The following ATF7IP2 variants were observed in gnomAD, a reference collection of about 807,000 sequenced individuals.
ATF7IP2 encodes activating transcription factor 7 interacting protein 2, also known as activating transcription factor 7-interacting protein 2.
A neutral mutation model predicts 64.2 loss-of-function variants in ATF7IP2; 42 were observed. The ratio of observed to expected loss-of-function variants is 0.65; its 90% CI spans 0.51 to 0.85. The LOEUF (loss-of-function observed/expected upper bound fraction) is 0.85, where lower values mean the gene tolerates loss of function less well. ATF7IP2 is among the 40% of genes least tolerant of loss of function. The pLI, the probability that ATF7IP2 is intolerant of heterozygous loss-of-function variation, is 0.00. For missense variants in ATF7IP2, 933 were observed against 784.2 expected, an observed-to-expected ratio of 1.19 and a Z score of -2.27; for synonymous variants, 308 against 272.8, an observed-to-expected ratio of 1.13 and a Z score of -1.27.
chr16:10,467,844 C>T (rs940477536), intron 9 of ATF7IP2, among the ~76,000 whole-genome samples: 7 of 148,846 alleles, frequency 4.7e-5, no homozygotes, highest in Admixed American at 6.7e-5. Context: ...TGAGCCATGG[C>T]GCCCAGCCAA....
chr16:10,445,202 A>G (rs1293519044), intron 8 of ATF7IP2: 3 of 152,194 alleles, frequency 2.0e-5, no homozygotes, highest in Non-Finnish European at 2.9e-5. Flanking sequence ...CAGCTGAGAC[A>G]AGACCTCCTT....
At chr16:10,400,289 C>G (rs2047502178) in intron 1 of ATF7IP2, among the ~76,000 whole-genome samples, 1 of 152,222 alleles carries the variant, frequency 6.6e-6, no homozygotes, top group African/African-American at 2.4e-5. Flanking sequence ...AATTTACCTG[C>G]CTTGGCCTCC....
At chr16:10,427,399 G>GT (rs1189237421) in intron 3 of ATF7IP2, among the ~76,000 whole-genome samples, 1 of 152,308 alleles carries the variant, frequency 6.6e-6, no homozygotes, top group East Asian at 1.9e-4. Context: ...TGGCTCAGTG[G>GT]TAACTCTTAC....
chr16:10,466,325 G>A (rs923432642), intron 9 of ATF7IP2, among the ~76,000 whole-genome samples: 2 of 152,188 alleles, frequency 1.3e-5, no homozygotes, highest in African/African-American at 4.8e-5. Context: ...AAATGGTGCT[G>A]CTGTGAACAT....
intron 2 of ATF7IP2, among the ~76,000 whole-genome samples, 184 bp from the exon 3 acceptor site, chr16:10,419,396 AC>A (rs2047946396): frequency 6.6e-6 from 1 of 152,030 alleles, no homozygotes; most frequent in African/African-American, 2.4e-5. Context: ...ATTAGTGTAT[AC>A]CTCCACTGGG....
intron 1 of ATF7IP2, among the ~76,000 whole-genome samples, chr16:10,392,564 C>T (rs1422880462): frequency 2.0e-5 from 3 of 152,078 alleles, no homozygotes; most frequent in Non-Finnish European, 2.9e-5. Context: ...TAACACCATT[C>T]ACACAGAAAT....
chr16:10,408,434 T>G (rs1251173495), intron 1 of ATF7IP2, among the ~76,000 whole-genome samples: 1 of 152,214 alleles, frequency 6.6e-6, no homozygotes, highest in Non-Finnish European at 1.5e-5. Flanking sequence ...CCATGATGGT[T>G]GTGCTAGTTT....
chr16:10,393,897 C>T (rs1357505851), intron 1 of ATF7IP2, among the ~76,000 whole-genome samples: 2 of 152,112 alleles, frequency 1.3e-5, no homozygotes, highest in African/African-American at 4.8e-5. Context: ...TTAAAATTAG[C>T]TGAGTGTGAT....
intron 1 of ATF7IP2, among the ~76,000 whole-genome samples, chr16:10,398,314 A>T (rs2353910): frequency 0.57 from 85,398 of 151,076 alleles, 24,192 homozygotes; most frequent in East Asian, 0.69. Context: ...AAAAAAAAAA[A>T]AATAATAATA....
intron 8 of ATF7IP2, among the ~76,000 whole-genome samples, chr16:10,443,523 G>A (rs1467613798): frequency 6.6e-6 from 1 of 152,222 alleles, no homozygotes; most frequent in Non-Finnish European, 1.5e-5. Flanking sequence ...TGTTGAGAGT[G>A]CAAACAGAAT....
At chr16:10,399,463 T>C (rs1281317755) in intron 1 of ATF7IP2, among the ~76,000 whole-genome samples, 1 of 152,238 alleles carries the variant, frequency 6.6e-6, no homozygotes, top group Non-Finnish European at 1.5e-5. Flanking sequence ...CTGCAGCATA[T>C]ATTCTTGTCA....
chr16:10,432,698 G>A (rs986337451), intron 5 of ATF7IP2, among the ~76,000 whole-genome samples: 5 of 152,222 alleles, frequency 3.3e-5, no homozygotes, highest in East Asian at 3.9e-4. Flanking sequence ...GCGAAACCCC[G>A]TCTCTACTAA....
Position 10,482,776 on chromosome 16 carries a change from C to G in ATF7IP2, c.*527C>G, listed in dbSNP as rs62027488. On this transcript the variant is annotated 3_prime_UTR_variant, in exon 14 of 14. Coordinates refer to ENST00000562102, the MANE Select transcript of ATF7IP2 (RefSeq NM_001393719.1). ...ATGGAATATTGCTCTGTTGCCCAGGCTGGAGTACAGTGGTCACTGCAACCT... is the reference window on the plus strand; with the variant it reads ...ATGGAATATTGCTCTGTTGCCCAGGGTGGAGTACAGTGGTCACTGCAACCT... 1 of 152,284 alleles carries G rather than the reference C, an allele frequency of 6.6e-6. No homozygotes were observed. Among genetic ancestry groups the G allele is most frequent in the African/African-American group, 2.4e-5 (1 of 41,402 alleles). 9.4% of individuals were successfully genotyped at this position (152,284 alleles called of 1,614,324 possible).
intron 1 of ATF7IP2, among the ~76,000 whole-genome samples, chr16:10,407,676 A>G (rs1241081287): frequency 6.6e-6 from 1 of 152,206 alleles, no homozygotes; most frequent in African/African-American, 2.4e-5. Flanking sequence ...TTATTCAGGA[A>G]CAGGTGTTAC....
At chr16:10,389,146 G>T (rs561461887) in intron 1 of ATF7IP2, among the ~76,000 whole-genome samples, 1 of 152,124 alleles carries the variant, frequency 6.6e-6, no homozygotes, top group African/African-American at 2.4e-5. Flanking sequence ...TAATATGACA[G>T]TTCTGGTCAA....
intron 9 of ATF7IP2, among the ~76,000 whole-genome samples, chr16:10,460,907 TC>T (rs1245929117): frequency 6.6e-6 from 1 of 152,078 alleles, no homozygotes; most frequent in Non-Finnish European, 1.5e-5. Context: ...AGACAGGCCA[TC>T]CGAGTTGGAG....
At chr16:10,467,718 A>G (rs1283302109) in intron 9 of ATF7IP2, among the ~76,000 whole-genome samples, 1 of 150,946 alleles carries the variant, frequency 6.6e-6, no homozygotes, top group African/African-American at 2.4e-5. Flanking sequence ...ACACCTGGTA[A>G]TGTTTTGTAT....
At chr16:10,393,101 G>A (rs2047358710) in intron 1 of ATF7IP2, among the ~76,000 whole-genome samples, 1 of 151,896 alleles carries the variant, frequency 6.6e-6, no homozygotes, top group Non-Finnish European at 1.5e-5. Flanking sequence ...CTTGAGGTCA[G>A]AAGTTTGAGA....
chr16:10,481,123 TGA>T (rs1223550794), intron 13 of ATF7IP2, among the ~76,000 whole-genome samples, 159 bp downstream of exon 13: 2 of 152,234 alleles, frequency 1.3e-5, no homozygotes, highest in Admixed American at 1.3e-4. Context: ...ATTATTCAGT[TGA>T]GTTTTACAGA....
Sources: allele counts gnomAD v4.1 joint callset (sites outside exome capture counted in the v4.1 genomes callset), GRCh38; gene constraint gnomAD v4.1.1; transcripts MANE v1.5; gene names NCBI Gene and HGNC (gene_info 2026-07-23, HGNC 2026-07-21).